Variants in ZNF521 observed in about 807,000 individuals in gnomAD.
The protein encoded by ZNF521 is LYST-interacting protein 3.
Under a neutral mutation model 105.5 loss-of-function variants are expected in ZNF521, and 14 were observed. The ratio of observed to expected loss-of-function variants is 0.13; its 90% CI spans 0.09 to 0.21. The LOEUF is 0.21. Ranked by LOEUF, ZNF521 falls within the 10% of genes least tolerant of loss-of-function variation. The pLI, the probability that ZNF521 is intolerant of heterozygous loss-of-function variation, is 1.00. For missense variants in ZNF521, 1,233 were observed against 1,629.7 expected, an observed-to-expected ratio of 0.76 and a Z score of 4.19; for synonymous variants, 635 against 606.0, an observed-to-expected ratio of 1.05 and a Z score of -0.70.
intron 5 of ZNF521, among the ~76,000 whole-genome samples, chr18:25,184,290 TAGAA>T (rs1167825065): frequency 6.6e-6 from 1 of 152,200 alleles, no homozygotes; most frequent in African/African-American, 2.4e-5. Context: ...TTACAGTAGA[TAGAA>T]AGTAGGAATT....
At chr18:25,113,079 G>T (rs1051229997) in intron 5 of ZNF521, among the ~76,000 whole-genome samples, 2 of 151,736 alleles carry the variant, frequency 1.3e-5, no homozygotes, top group African/African-American at 4.8e-5. Flanking sequence ...AGGGGAAAGG[G>T]CCTGATTTGC....
intron 3 of ZNF521, among the ~76,000 whole-genome samples, chr18:25,257,088 G>A (rs902114611): frequency 1.3e-5 from 2 of 152,094 alleles, no homozygotes; most frequent in Admixed American, 6.6e-5. Context: ...GGGTAGCAAC[G>A]CAGGATGGGA....
chr18:25,127,776 A>G (rs1266940475), intron 5 of ZNF521, among the ~76,000 whole-genome samples: 1 of 152,062 alleles, frequency 6.6e-6, no homozygotes, highest in Admixed American at 6.6e-5. Flanking sequence ...CATGTATTAA[A>G]GAAAAATAAA....
chr18:25,227,812 A>C lies in ZNF521; in HGVS notation c.221-115T>G. ...GGCCCTCTTGAATCTTTCAAGAAAAAACAAAATGAAAAGAGAGAATATTTG... is the reference window on the plus strand; with the variant it reads ...GGCCCTCTTGAATCTTTCAAGAAAACACAAAATGAAAAGAGAGAATATTTG... On this transcript the variant is annotated intron_variant, in intron 3 of 7. Transcript: ENST00000361524. This position sits in a 1 kb window ranked among gnomAD's most constrained non-coding sequence, Gnocchi z 5.7. 1 of 831,478 alleles carries C rather than the reference A, an allele frequency of 1.2e-6. No homozygotes were observed. The highest frequency in any genetic ancestry group is 1.8e-6 in the Non-Finnish European group (1 of 547,842). The allele number at this position is 831,478 out of a possible 1,614,324, so 51.5% of individuals were successfully genotyped here. A position where few individuals can be genotyped will look rare whatever the true frequency, so the allele number is the denominator to read the frequency against.
Position 25,224,851 on chromosome 18 carries a change from C to G in ZNF521, c.3067G>C (p.Val1023Leu), listed in dbSNP as rs1456911942. 1.9e-6 allele frequency: 3 copies of G among 1,614,042 alleles called. No individual in the cohort carries two copies. The highest frequency in any genetic ancestry group is 2.5e-6 in the Non-Finnish European group (3 of 1,180,022). ...GAGGTCACTGTCTGCATGCACACCA[C>G]GCAGCGAAAGCCTGTCAGGGAATTC... Reference protein sequence around the residue: ...LRNSLTGFRCVVCMQTVTSTL... With the variant: ...LRNSLTGFRCLVCMQTVTSTL... Residue 1023 changes from valine to leucine, a missense_variant, in exon 4 of 8, where the codon GTG becomes CTG. Val to Leu is a conservative substitution (Grantham distance 32). Transcript: ENST00000361524.
chr18:25,073,341 G>T (rs907634958), intron 7 of ZNF521, among the ~76,000 whole-genome samples: 3 of 152,170 alleles, frequency 2.0e-5, no homozygotes, highest in African/African-American at 7.2e-5. Context: ...TTTTTGAAGA[G>T]AATTTAGTCA....
chr18:25,303,375 G>A (rs901085501), intron 3 of ZNF521, among the ~76,000 whole-genome samples: 3 of 151,138 alleles, frequency 2.0e-5, no homozygotes, highest in Non-Finnish European at 4.4e-5. Flanking sequence ...TTGGCTCACT[G>A]CAACCTCCGC....
chr18:25,249,175 G>A (rs1383786509), intron 3 of ZNF521, among the ~76,000 whole-genome samples: 7 of 147,672 alleles, frequency 4.7e-5, no homozygotes, highest in Admixed American at 3.4e-4. Flanking sequence ...ACAGAGTCTC[G>A]CTCTGTCACC....
At chr18:25,216,881 A>G (rs1237413648) in intron 4 of ZNF521, among the ~76,000 whole-genome samples, 1 of 152,182 alleles carries the variant, frequency 6.6e-6, no homozygotes, top group East Asian at 1.9e-4. Flanking sequence ...GACATTTTTA[A>G]AAGAAAATCC....
chr18:25,064,817 GA>G (rs2033010688), intron 7 of ZNF521, among the ~76,000 whole-genome samples: 1 of 152,096 alleles, frequency 6.6e-6, no homozygotes, highest in Admixed American at 6.5e-5. Context: ...GCTCATTTTT[GA>G]AAAAGATGGA....
At chr18:25,241,634 C>T (rs1157543505) in intron 3 of ZNF521, among the ~76,000 whole-genome samples, 2 of 152,142 alleles carry the variant, frequency 1.3e-5, no homozygotes, top group African/African-American at 4.8e-5. Context: ...TTACTCCTAC[C>T]TTCAATTCTT....
At chr18:25,273,130 G>C (rs537587887) in intron 3 of ZNF521, among the ~76,000 whole-genome samples, 1 of 143,014 alleles carries the variant, frequency 7.0e-6, no homozygotes, top group Non-Finnish European at 1.5e-5. Flanking sequence ...CGGGGGCTAA[G>C]GCAGGAGAAT....
chr18:25,065,423 T>C (rs763923020), intron 7 of ZNF521, among the ~76,000 whole-genome samples: 14 of 152,196 alleles, frequency 9.2e-5, no homozygotes, highest in South Asian at 6.2e-4. Context: ...CTTTGGGCTA[T>C]GTGTATAAGG....
chr18:25,340,141 G>A (rs1388640467), intron 2 of ZNF521, among the ~76,000 whole-genome samples: 2 of 152,142 alleles, frequency 1.3e-5, no homozygotes, highest in African/African-American at 4.8e-5. Flanking sequence ...GATCACTTGA[G>A]GTCAAGAGTT....
chr18:25,085,156 CA>C (rs1489563770), intron 7 of ZNF521, among the ~76,000 whole-genome samples: 3 of 151,586 alleles, frequency 2.0e-5, no homozygotes, highest in Admixed American at 2.0e-4. Flanking sequence ...GAATTTCTTG[CA>C]AAAATGGAGG....
At chr18:25,184,327 C>T (rs1390580122) in intron 5 of ZNF521, among the ~76,000 whole-genome samples, 2 of 152,128 alleles carry the variant, frequency 1.3e-5, no homozygotes, top group Non-Finnish European at 2.9e-5. Context: ...GTATTTTTCT[C>T]GAAGAGATAT....
intron 5 of ZNF521, among the ~76,000 whole-genome samples, chr18:25,135,318 T>TGTGTGTGTG (rs2034713673): frequency 6.9e-6 from 1 of 144,240 alleles, no homozygotes; most frequent in African/African-American, 2.8e-5. Context: ...GTGTATGTCT[T>TGTGTGTGTG]TGTTTTGTTT....
intron 7 of ZNF521, among the ~76,000 whole-genome samples, chr18:25,067,738 G>C (rs2033106819): frequency 6.6e-6 from 1 of 152,064 alleles, no homozygotes. Context: ...TATCTTCCTA[G>C]AGTTGAAAAA....
At chr18:25,345,951 T>A (rs746866662) in intron 2 of ZNF521, among the ~76,000 whole-genome samples, 6 of 152,206 alleles carry the variant, frequency 3.9e-5, no homozygotes, top group Non-Finnish European at 5.9e-5. Context: ...TGCCAATTAG[T>A]ATTTTTGCCT....
Sources: allele counts gnomAD v4.1 joint callset (sites outside exome capture counted in the v4.1 genomes callset), GRCh38; gene constraint gnomAD v4.1.1; non-coding constraint Gnocchi (gnomAD v3.1); transcripts MANE v1.5; gene names NCBI Gene and HGNC (gene_info 2026-07-23, HGNC 2026-07-21).